The following ESR1 variants were observed in gnomAD, a reference collection of about 807,000 sequenced individuals.
The protein encoded by ESR1 is estrogen receptor.
Under a neutral mutation model 52.7 loss-of-function variants are expected in ESR1, and 12 were observed. That is an observed-to-expected ratio of 0.23 (90% CI 0.15 to 0.37). The LOEUF is 0.37. Ranked by LOEUF, ESR1 falls within the 10% of genes least tolerant of loss-of-function variation. The probability of loss-of-function intolerance (pLI) is 1.00; values close to 1 mark genes in which losing one functional copy is unlikely to be tolerated. For synonymous variants in ESR1, 305 were observed against 316.8 expected (o/e 0.96, Z 0.39); for missense variants, 584 against 779.7 (o/e 0.75, Z 2.99).
intron 1 of ESR1, chr6:151,811,005 G>T (rs1778749965): frequency 6.6e-6 from 1 of 152,146 alleles, no homozygotes; most frequent in Non-Finnish European, 1.5e-5. Context: ...CTTTTCTATT[G>T]TAGAATGGTG....
chr6:151,985,048 A>G (rs1001407417), intron 4 of ESR1, among the ~76,000 whole-genome samples: 1 of 152,120 alleles, frequency 6.6e-6, no homozygotes, highest in African/African-American at 2.4e-5. Flanking sequence ...TAGCATATCA[A>G]TGTATGTATG....
chr6:152,010,110 C>A (rs2042643763), intron 4 of ESR1, among the ~76,000 whole-genome samples: 1 of 152,112 alleles, frequency 6.6e-6, no homozygotes, highest in Admixed American at 6.6e-5. Context: ...AGAGAGAGGG[C>A]CATAGACTCT....
intron 2 of ESR1, among the ~76,000 whole-genome samples, chr6:151,749,158 C>G (rs1783709665): frequency 6.8e-6 from 1 of 147,676 alleles, no homozygotes; most frequent in Non-Finnish European, 1.5e-5. Context: ...AAAAAGGACC[C>G]TCAAATACTT....
upstream of ESR1, among the ~76,000 whole-genome samples, chr6:151,801,051 G>GGTGT (rs3062689): frequency 0.061 from 8,938 of 147,618 alleles, 286 homozygotes; most frequent in South Asian, 0.098. Context: ...TTGATTATGT[G>GGTGT]GTGTGTGTGT....
chr6:152,043,883 C>T (rs1451393657), intron 5 of ESR1, among the ~76,000 whole-genome samples: 11 of 152,162 alleles, frequency 7.2e-5, no homozygotes, highest in Non-Finnish European at 1.5e-4. Context: ...ACGTACCTTT[C>T]GTTGCAGGTC....
chr6:152,058,169 C>A (rs188317371), intron 5 of ESR1, among the ~76,000 whole-genome samples: 2 of 152,110 alleles, frequency 1.3e-5, no homozygotes, highest in East Asian at 3.9e-4. Flanking sequence ...AACATTTTCC[C>A]CTATCCTTGT....
intron 1 of ESR1, among the ~76,000 whole-genome samples, chr6:151,809,544 T>G (rs1778462300): frequency 6.6e-6 from 1 of 152,222 alleles, no homozygotes; most frequent in South Asian, 2.1e-4. Context: ...GTATCCGGAC[T>G]GGTGTCCCTA....
chr6:151,705,478 A>C (rs973583391), intron 2 of ESR1, among the ~76,000 whole-genome samples: 1 of 152,240 alleles, frequency 6.6e-6, no homozygotes, highest in Admixed American at 6.5e-5. Flanking sequence ...GATGACTCAG[A>C]TGTACAAAGG....
Position 151,946,967 on chromosome 6 carries a change from C to T in ESR1, c.1096+2459C>T, listed in dbSNP as rs964309347. ...GCCCACACTGAATATCTGATATAGA[C>T]AATATAACGTTTATGAGATAATAGT... On this transcript the variant is annotated intron_variant, in intron 4 of 7. Transcript: ENST00000206249. 2.0e-5 allele frequency among the ~76,000 whole-genome samples: 3 copies of T among 152,188 alleles called. No homozygotes were observed. In the South Asian group the frequency reaches 6.2e-4, roughly 32 times the overall value.
intron 1 of ESR1, among the ~76,000 whole-genome samples, chr6:151,815,170 C>G (rs1779416523): frequency 6.6e-6 from 1 of 152,140 alleles, no homozygotes; most frequent in African/African-American, 2.4e-5. Context: ...TTGACTTCTG[C>G]TTTTTTAGAA....
At chr6:151,683,720 A>C (rs1390583329) in intron 1 of ESR1, among the ~76,000 whole-genome samples, 1 of 149,208 alleles carries the variant, frequency 6.7e-6, no homozygotes, top group Non-Finnish European at 1.5e-5. Flanking sequence ...TTTTTTTGAG[A>C]TAGAGTCTCA....
chr6:151,820,100 A>C lies in ESR1; in HGVS notation c.452+11736A>C, dbSNP rs988524876. 2.0e-5 allele frequency among the ~76,000 whole-genome samples: 3 copies of C among 152,302 alleles called. 1 individual carries two copies. In the East Asian group the frequency reaches 5.8e-4, roughly 29 times the overall value. On this transcript the variant is annotated intron_variant, in intron 1 of 7. Transcript: ENST00000206249. ...GCATTGAGGAGAGGCACTTAACCAG[A>C]TGGAGGATCTTGGTCCATTGATATG...
intron 2 of ESR1, among the ~76,000 whole-genome samples, chr6:151,783,866 T>C (rs541549764): frequency 6.6e-6 from 1 of 152,352 alleles, no homozygotes; most frequent in African/African-American, 2.4e-5. Flanking sequence ...ATGTTTTTGA[T>C]GACCTTGACA....
chr6:151,789,456 C>T (rs1787320607), intron 2 of ESR1, among the ~76,000 whole-genome samples: 1 of 152,142 alleles, frequency 6.6e-6, no homozygotes, highest in Admixed American at 6.5e-5. Context: ...TTAGTCTAAA[C>T]TATCAGTTAT....
At chr6:151,805,439 T>C (rs1424570716), upstream of ESR1, 3 of 152,252 alleles carry the variant, frequency 2.0e-5, no homozygotes, top group Non-Finnish European at 4.4e-5. Flanking sequence ...GCAGAAAGCA[T>C]AGGGTACTTT....
At chr6:152,048,137 G>A (rs991909577) in intron 5 of ESR1, among the ~76,000 whole-genome samples, 3 of 151,600 alleles carry the variant, frequency 2.0e-5, no homozygotes, top group Non-Finnish European at 2.9e-5. Flanking sequence ...TTCGGACGCC[G>A]AGGCAGGTGG....
At chr6:151,877,074 T>G (rs573115462) in intron 2 of ESR1, among the ~76,000 whole-genome samples, 1 of 152,216 alleles carries the variant, frequency 6.6e-6, no homozygotes, top group South Asian at 2.1e-4. Flanking sequence ...AAGCATTATC[T>G]TGAGAAGACC....
intron 3 of ESR1, among the ~76,000 whole-genome samples, chr6:151,884,293 G>GA: frequency 6.6e-6 from 1 of 152,234 alleles, no homozygotes; most frequent in Admixed American, 6.5e-5. Flanking sequence ...ACAACTCCTT[G>GA]AAAAATCCCA....
intron 2 of ESR1, among the ~76,000 whole-genome samples, chr6:151,864,688 T>C (rs866089734): frequency 0.12 from 14,072 of 121,614 alleles, no homozygotes; most frequent in African/African-American, 0.21. Flanking sequence ...GGAACCAACC[T>C]AAATATCCAA....
Sources: gnomAD v4.1 joint callset for allele counts (sites outside exome capture counted in the v4.1 genomes callset) on GRCh38, gnomAD v4.1.1 for gene constraint, MANE v1.5 for transcripts, NCBI Gene and HGNC (gene_info 2026-07-23, HGNC 2026-07-21) for gene names.